The following PDE4D variants were observed in gnomAD, a reference collection of about 807,000 sequenced individuals.
PDE4D encodes phosphodiesterase 4D.
Under a neutral mutation model 87.4 loss-of-function variants are expected in PDE4D, and 24 were observed. That is an observed-to-expected ratio of 0.27 (90% confidence interval 0.20 to 0.39). The LOEUF is 0.39. Ranked by LOEUF, PDE4D falls within the 10% of genes least tolerant of loss-of-function variation. PDE4D has a pLI of 1.00. For missense variants in PDE4D, 714 were observed against 1,041.0 expected, an observed-to-expected ratio of 0.69 and a Z score of 4.32; for synonymous variants, 384 against 383.2, an observed-to-expected ratio of 1.00 and a Z score of -0.02.
At chr5:60,031,468 T>C (rs1467353388) in intron 2 of PDE4D, among the ~76,000 whole-genome samples, 1 of 152,158 alleles carries the variant, frequency 6.6e-6, no homozygotes, top group Non-Finnish European at 1.5e-5. Flanking sequence ...AATACAAGCA[T>C]GCAGGCTGCT....
chr5:59,983,107 T>A (rs1304808030), intron 3 of PDE4D, among the ~76,000 whole-genome samples: 1 of 152,078 alleles, frequency 6.6e-6, no homozygotes, highest in African/African-American at 2.4e-5. Flanking sequence ...TCAGACCATC[T>A]ATGTCCAGAG....
chr5:59,464,990 C>T (rs772660756), intron 1 of PDE4D, among the ~76,000 whole-genome samples: 17 of 152,184 alleles, frequency 1.1e-4, no homozygotes, highest in Non-Finnish European at 1.9e-4. Context: ...GGATTAAGAG[C>T]GGTAGCAGTC....
chr5:59,407,920 T>A (rs991371448), intron 1 of PDE4D, among the ~76,000 whole-genome samples: 2 of 152,170 alleles, frequency 1.3e-5, no homozygotes, highest in Admixed American at 6.5e-5. Flanking sequence ...GAATTTTTAC[T>A]TAAAAGGGAA....
At position 59,582,487 on chromosome 5, in the gene PDE4D, G is replaced by A. The variant is rs774487245; in HGVS notation, c.455+310681C>T. Among the ~76,000 whole-genome samples, 40 of 152,214 alleles carry A rather than the reference G, an allele frequency of 2.6e-4. No homozygotes were observed. The South Asian group carries it at 3.1e-3, about 12-fold the overall frequency. On this transcript the variant is annotated intron_variant, in intron 1 of 14. Transcript: ENST00000340635. The stretch of plus-strand genomic sequence containing the variant: ...GGCCATTCTGACTTTCTCTGAATAC[G>A]TATTCATTATATTAGTAGATTTAAA...
rs189737676 is a variant in PDE4D, at chr5:59,709,870, T to C, written c.455+183298A>G. On this transcript the variant is annotated intron_variant, in intron 1 of 14. Coordinates refer to ENST00000340635, the MANE Select transcript of PDE4D (RefSeq NM_001104631.2). The stretch of plus-strand genomic sequence containing the variant: ...GCATAATGAGAATACAAATCCCAAG[T>C]CTCCATTACTTTAGACAGAACTCTG... Among the ~76,000 whole-genome samples, 442 of 152,210 alleles carry C rather than the reference T, an allele frequency of 2.9e-3. 5 individuals are homozygous for C. The highest frequency in any genetic ancestry group is 0.02 in the Middle Eastern group (6 of 294).
At chr5:59,146,115 A>C (rs1241982960) in intron 5 of PDE4D, among the ~76,000 whole-genome samples, 2 of 152,212 alleles carry the variant, frequency 1.3e-5, no homozygotes, top group Non-Finnish European at 2.9e-5. Context: ...TGACAGAGCA[A>C]GATTCCGTCT....
intron 2 of PDE4D, among the ~76,000 whole-genome samples, chr5:60,041,040 T>C (rs182576121): frequency 1.0e-3 from 154 of 152,336 alleles, no homozygotes; most frequent in African/African-American, 3.6e-3. Flanking sequence ...TTCATATTAG[T>C]AACTTCAGTT....
At chr5:60,210,258 G>A (rs1174564853) in intron 1 of PDE4D, among the ~76,000 whole-genome samples, 2 of 151,754 alleles carry the variant, frequency 1.3e-5, no homozygotes, top group Non-Finnish European at 2.9e-5. Flanking sequence ...ATTAATGTTG[G>A]CAAAGATAAA....
intron 5 of PDE4D, among the ~76,000 whole-genome samples, chr5:59,172,365 T>A (rs1185354045): frequency 4.5e-4 from 61 of 134,724 alleles, no homozygotes; most frequent in East Asian, 2.2e-3. Context: ...TTGTATATAT[T>A]ATATATAATA....
At chr5:59,572,555 A>G (rs1259848533) in intron 1 of PDE4D, among the ~76,000 whole-genome samples, 1 of 152,156 alleles carries the variant, frequency 6.6e-6, no homozygotes, top group Admixed American at 6.5e-5. Flanking sequence ...ATCTGGGCTC[A>G]CTGCAAGCTC....
intron 1 of PDE4D, among the ~76,000 whole-genome samples, chr5:59,417,243 A>T (rs138500738): frequency 6.6e-6 from 1 of 152,298 alleles, no homozygotes; most frequent in African/African-American, 2.4e-5. Context: ...TACTATATCT[A>T]TTGATTATAG....
intron 5 of PDE4D, among the ~76,000 whole-genome samples, chr5:59,125,783 A>C (rs542220183): frequency 6.6e-6 from 1 of 152,320 alleles, no homozygotes; most frequent in South Asian, 2.1e-4. Flanking sequence ...TTAGGGAGAC[A>C]GGTCAGAAAA....
intron 5 of PDE4D, among the ~76,000 whole-genome samples, chr5:59,156,899 G>A (rs981115214): frequency 2.6e-5 from 4 of 151,830 alleles, no homozygotes; most frequent in African/African-American, 7.3e-5. Context: ...TAATGCCTAA[G>A]CAGGGCACAT....
chr5:59,940,125 G>T (rs534878361), intron 3 of PDE4D, among the ~76,000 whole-genome samples: 5 of 152,076 alleles, frequency 3.3e-5, no homozygotes, highest in Admixed American at 3.3e-4. Flanking sequence ...GAGAACCCCC[G>T]CACTTGGAGG....
rs540269402 is a variant in PDE4D, at chr5:59,221,647, C to T, written c.456-5679G>A. Among the ~76,000 whole-genome samples the T allele has an allele frequency of 2.0e-5, 3 of 152,148 alleles. No individual in the cohort carries two copies. In the East Asian group the frequency reaches 5.8e-4, roughly 29 times the overall value. ...ACTCTGTCTCAAAAAAAAAAGTTTT[C>T]ATATGACCCAACATTTTGGAATTTG... On this transcript the variant is annotated intron_variant, in intron 1 of 14. Transcript: ENST00000340635.
intron 1 of PDE4D, among the ~76,000 whole-genome samples, chr5:59,223,590 A>G (rs1247531789): frequency 6.6e-6 from 1 of 152,168 alleles, no homozygotes; most frequent in East Asian, 1.9e-4. Flanking sequence ...ATTGTTATCA[A>G]TATCACAAGG....
chr5:60,215,990 C>G (rs1406925320), intron 1 of PDE4D, among the ~76,000 whole-genome samples: 3 of 152,030 alleles, frequency 2.0e-5, no homozygotes, highest in East Asian at 1.9e-4. Flanking sequence ...ATTTTATACT[C>G]ATGTTGGAGA....
intron 2 of PDE4D, among the ~76,000 whole-genome samples, chr5:60,130,007 G>A (rs957435559): frequency 6.6e-6 from 1 of 152,024 alleles, no homozygotes; most frequent in Non-Finnish European, 1.5e-5. Flanking sequence ...TGAAATTAGT[G>A]CCCTTATAAA....
At chr5:60,131,211 G>A (rs908355753) in intron 2 of PDE4D, among the ~76,000 whole-genome samples, 4 of 151,516 alleles carry the variant, frequency 2.6e-5, no homozygotes, top group South Asian at 2.1e-4. Context: ...CTTTGTTTTC[G>A]CTTCTGTTGA....
Sources: allele counts gnomAD v4.1 joint callset (sites outside exome capture counted in the v4.1 genomes callset), GRCh38; gene constraint gnomAD v4.1.1; transcripts MANE v1.5; gene names NCBI Gene and HGNC (gene_info 2026-07-23, HGNC 2026-07-21).